Variants in COL1A2 observed in about 807,000 individuals in gnomAD.
The protein encoded by COL1A2 is collagen type I alpha 2 chain.
Under a neutral mutation model 174.3 loss-of-function variants are expected in COL1A2, and 49 were observed. The ratio of observed to expected loss-of-function variants is 0.28; its 90% CI spans 0.22 to 0.36. COL1A2 has a LOEUF of 0.36. COL1A2 is among the 10% of genes least tolerant of loss of function. The pLI is 1.00. For missense variants in COL1A2, 1,438 were observed against 1,822.7 expected (o/e 0.79, Z 3.84); for synonymous variants, 655 against 606.6 (o/e 1.08, Z -1.17).
At chr7:94,416,723 A>G (rs1334314263) in intron 31 of COL1A2, 1 of 572,458 alleles carries the variant, frequency 1.7e-6, no homozygotes, top group African/African-American at 1.9e-5. Context: ...AGAGTTCCCA[A>G]AACATAAATG....
Position 94,422,871 on chromosome 7 carries a change from C to A in COL1A2, c.2404-86C>A. 4 of 1,473,660 alleles carry A rather than the reference C, an allele frequency of 2.7e-6. 1 individual carries two copies. Among genetic ancestry groups the A allele is most frequent in the Non-Finnish European group, 3.8e-6 (4 of 1,053,112 alleles). 91.3% of individuals were successfully genotyped at this position (1,473,660 alleles called of 1,614,324 possible). On this transcript the variant is annotated intron_variant, in intron 39 of 51. Coordinates refer to ENST00000297268, the MANE Select transcript of COL1A2 (RefSeq NM_000089.4). ...TTATTTTATTGCATCACATTGTTTG[C>A]ATCTTAAGATCTAGAATCTTTGCTG...
In COL1A2 at chr7:94,430,235, C is replaced by T. The variant is rs1319041955; in HGVS notation, c.3955-12C>T. ...TGATGCTTTGTGTATCTATTTTCTT[C>T]TCTTTAAACAGAAAAAGACAAATGA... On this transcript the variant is annotated splice_polypyrimidine_tract_variant and intron_variant, in intron 51 of 51. Coordinates refer to ENST00000297268, the MANE Select transcript of COL1A2 (RefSeq NM_000089.4). The T allele has an allele frequency of 6.2e-7, 1 of 1,612,442 alleles. No homozygotes were observed. The highest frequency in any genetic ancestry group is 1.7e-5 in the Admixed American group (1 of 60,006).
chr7:94,421,832 A>G, intron 38 of COL1A2, 67 bp from the exon 39 acceptor site: 1 of 1,507,350 alleles, frequency 6.6e-7, no homozygotes, highest in Non-Finnish European at 9.2e-7. Context: ...AAACAAAGAA[A>G]TTCCCATCTT....
At chr7:94,415,665 GA>G (rs937922400) in intron 30 of COL1A2, among the ~76,000 whole-genome samples, 13 of 151,008 alleles carry the variant, frequency 8.6e-5, no homozygotes, top group South Asian at 4.2e-4. Flanking sequence ...GTCATATAAA[GA>G]AAAAAAAACT....
intron 45 of COL1A2, 24 bp downstream of exon 45, chr7:94,426,075 T>C: frequency 1.2e-6 from 2 of 1,600,024 alleles, no homozygotes; most frequent in South Asian, 1.1e-5. Context: ...GAAGATTTCT[T>C]TGCAACACTA....
At chr7:94,398,559 T>C (rs964357950) in intron 3 of COL1A2, among the ~76,000 whole-genome samples, 163 bp downstream of exon 3, 7 of 151,978 alleles carry the variant, frequency 4.6e-5, no homozygotes, top group Non-Finnish European at 7.4e-5. Flanking sequence ...ATGTTTAAGA[T>C]AACAAAGTTT....
Position 94,420,299 on chromosome 7 carries a change from C to G in COL1A2, c.2133+13C>G, listed in dbSNP as rs1792130455. The stretch of plus-strand genomic sequence containing the variant: ...TCGGGGAAGCCCTGTAAGTAAGAAC[C>G]TGGGTCATTTTGTATACTCACACCT... On this transcript the variant is annotated intron_variant, in intron 35 of 51. Transcript: ENST00000297268. The G allele has an allele frequency of 6.2e-7, 1 of 1,613,914 alleles. No homozygotes were observed. Among genetic ancestry groups the G allele is most frequent in the Admixed American group, 1.7e-5 (1 of 59,992 alleles).
At chr7:94,395,477 T>C in intron 1 of COL1A2, 1 of 349,672 alleles carries the variant, frequency 2.9e-6, no homozygotes, top group Non-Finnish European at 5.5e-6. Flanking sequence ...CGCACTGATG[T>C]CCACCTTGTA....
intron 5 of COL1A2, 117 bp from the exon 6 acceptor site, chr7:94,401,450 C>T: frequency 2.8e-6 from 1 of 357,948 alleles, no homozygotes. Flanking sequence ...AAAAACATTG[C>T]CCTCTTTTAA....
At chr7:94,405,291 A>G (rs1184632966) in intron 10 of COL1A2, 39 bp downstream of exon 10, 1 of 1,581,028 alleles carries the variant, frequency 6.3e-7, no homozygotes, top group South Asian at 1.1e-5. Context: ...CAAACATCAT[A>G]GGCCTATAAG....
At chr7:94,399,174 T>C in intron 4 of COL1A2, 90 bp downstream of exon 4, 1 of 1,207,736 alleles carries the variant, frequency 8.3e-7, no homozygotes, top group Non-Finnish European at 1.2e-6. Flanking sequence ...TATAAGAATA[T>C]TATGTATCCA....
intron 34 of COL1A2, 91 bp downstream of exon 34, chr7:94,419,642 C>T: frequency 7.2e-7 from 1 of 1,395,700 alleles, no homozygotes; most frequent in Non-Finnish European, 1.0e-6. Flanking sequence ...ATTTTTATGG[C>T]TTGGTATAAA....
In COL1A2 at chr7:94,410,936, C is replaced by T. The variant is rs752359132; in HGVS notation, c.1245C>T (p.Gly415=). 1.6e-5 allele frequency: 26 copies of T among 1,613,702 alleles called. No homozygotes were observed. The highest frequency in any genetic ancestry group is 2.7e-5 in the African/African-American group (2 of 74,806). The change falls in exon 22 of 52, where the codon GGC becomes GGT. Residue 415 remains glycine (G), a synonymous_variant. Transcript: ENST00000297268. ...RGLPGADGRA[G]VMGPPGSRGA... ...TTCCTGGAGCTGATGGCAGAGCTGGCGTCATGGTAAGCTGTCTATCACTTA... is the reference window on the plus strand; with the variant it reads ...TTCCTGGAGCTGATGGCAGAGCTGGTGTCATGGTAAGCTGTCTATCACTTA...
At chr7:94,420,159 G>C in intron 34 of COL1A2, 74 bp from the exon 35 acceptor site, 2 of 1,594,848 alleles carry the variant, frequency 1.3e-6, no homozygotes. Flanking sequence ...GTCCACCACT[G>C]TTCTCTCTCC....
intron 1 of COL1A2, among the ~76,000 whole-genome samples, chr7:94,396,881 T>G (rs1791595409): frequency 6.6e-6 from 1 of 152,212 alleles, no homozygotes; most frequent in African/African-American, 2.4e-5. Context: ...TTCATCCTAC[T>G]GCAAGCTTGG....
rs759251034 is a variant in COL1A2 at position 94,421,929 on chromosome 7, C to A, written c.2380C>A (p.Arg794=). 6.2e-7 allele frequency: 1 copy of A among 1,614,122 alleles called. No homozygotes were observed. Among genetic ancestry groups the A allele is most frequent in the South Asian group, 1.1e-5 (1 of 91,084 alleles). ...GMTGFPGAAG[R]TGPPGPSGIS... is the part of the protein sequence containing the mutation. ...GACTGGTTTCCCTGGTGCTGCTGGACGGACTGGTCCCCCAGGACCCTCTGT... is the reference window on the plus strand; with the variant it reads ...GACTGGTTTCCCTGGTGCTGCTGGAAGGACTGGTCCCCCAGGACCCTCTGT... The change falls in exon 39 of 52, where the codon CGG becomes AGG. Residue 794 remains arginine, a synonymous_variant. Coordinates refer to ENST00000297268, the MANE Select transcript of COL1A2 (RefSeq NM_000089.4).
Position 94,427,840 on chromosome 7 carries a change from C to T in COL1A2, c.3481C>T (p.Arg1161Cys), listed in dbSNP as rs772797360. 18 of 1,614,000 alleles carry T rather than the reference C, an allele frequency of 1.1e-5. No individual in the cohort carries two copies. Among genetic ancestry groups the T allele is most frequent in the African/African-American group, 4.0e-5 (3 of 74,916 alleles). Residue 1161 changes from arginine to cysteine, a missense_variant, in exon 49 of 52, where the codon CGC becomes TGC. Physicochemically the swap from Arg to Cys is radical, Grantham distance 180. Transcript: ENST00000297268. Reference protein sequence around the residue: ...TPEGSRKNPARTCRDLRLSHP... With the variant: ...TPEGSRKNPACTCRDLRLSHP... ...TGAAGGCTCTAGAAAGAACCCAGCTCGCACATGCCGTGACTTGAGACTCAG... is the reference window on the plus strand; with the variant it reads ...TGAAGGCTCTAGAAAGAACCCAGCTTGCACATGCCGTGACTTGAGACTCAG...
At chr7:94,406,340 T>C (rs1237400127) in intron 12 of COL1A2, 37 bp downstream of exon 12, 1 of 1,597,566 alleles carries the variant, frequency 6.3e-7, no homozygotes, top group Non-Finnish European at 8.6e-7. Flanking sequence ...TTTAAGCACT[T>C]GATTGAAATT....
At chr7:94,415,379 T>C (rs1040178915) in intron 30 of COL1A2, 109 bp downstream of exon 30, 9 of 938,514 alleles carry the variant, frequency 9.6e-6, no homozygotes, top group South Asian at 6.6e-5. Context: ...TCTGATGCTC[T>C]TCTATAGTCA....
Sources: allele counts gnomAD v4.1 joint callset (sites outside exome capture counted in the v4.1 genomes callset), GRCh38; gene constraint gnomAD v4.1.1; transcripts MANE v1.5; gene names NCBI Gene and HGNC (gene_info 2026-07-23, HGNC 2026-07-21).